SPTBN1: variants seen among roughly 807,000 people sequenced by gnomAD.
SPTBN1 encodes spectrin beta chain, non-erythrocytic 1.
In SPTBN1, 32 loss-of-function variants were observed where a neutral mutation model predicts 266.4. The ratio of observed to expected loss-of-function variants is 0.12; its 90% CI spans 0.09 to 0.16. The LOEUF (loss-of-function observed/expected upper bound fraction) is 0.16. Among genes scored for constraint, SPTBN1 ranks in the 10% least tolerant of loss-of-function variants. The pLI is 1.00. For missense variants in SPTBN1, 2,296 were observed against 3,067.1 expected (o/e 0.75, Z 5.94); for synonymous variants, 1,336 against 1,162.2 (o/e 1.15, Z -3.04).
rs1220614493 is a variant in SPTBN1 at position 54,671,005 on chromosome 2, AT to A, written c.*2439del. 2.6e-6 allele frequency: 1 copy of A among 392,042 alleles called. No homozygotes were observed. The highest frequency in any genetic ancestry group is 4.5e-6 in the Non-Finnish European group (1 of 223,468). The allele number at this position is 392,042 out of a possible 1,614,324, so 24.3% of individuals were successfully genotyped here. On this transcript the variant is annotated 3_prime_UTR_variant, in exon 36 of 36. Transcript: ENST00000356805. ...ATCATGTTTTTTGAGGATTTTGCATATTTCTTGTTGCCATAATGCTGTGCTA... is the reference window on the plus strand; with the variant it reads ...ATCATGTTTTTTGAGGATTTTGCATATTCTTGTTGCCATAATGCTGTGCTA...
chr2:54,594,188 C>T (rs1675890429), intron 2 of SPTBN1, among the ~76,000 whole-genome samples: 1 of 152,068 alleles, frequency 6.6e-6, no homozygotes, highest in Admixed American at 6.5e-5. Context: ...AGAACCAGGG[C>T]TCTGGAGCCA....
At chr2:54,589,892 G>C (rs541738177) in intron 2 of SPTBN1, among the ~76,000 whole-genome samples, 2 of 152,064 alleles carry the variant, frequency 1.3e-5, no homozygotes, top group African/African-American at 4.8e-5. Flanking sequence ...CTTTTGTTTT[G>C]AGTTAAGATC....
intron 1 of SPTBN1, among the ~76,000 whole-genome samples, chr2:54,501,241 CA>C (rs1669251713): frequency 6.6e-6 from 1 of 152,234 alleles, no homozygotes; most frequent in African/African-American, 2.4e-5. Context: ...CCTTATCCCA[CA>C]TGAGCTACCA....
rs111938617 is a variant in SPTBN1, at chr2:54,457,965, A to G, written c.-48+1447A>G. 8.0e-3 allele frequency among the ~76,000 whole-genome samples: 1,221 copies of G among 152,342 alleles called. 15 individuals carry two copies. The highest frequency in any genetic ancestry group is 0.028 in the African/African-American group (1,172 of 41,582). ...GATCTGCGACCAGGGGACCTGAGCC[A>G]TAGGGAGGGGCTGCAGGAAGGACTG... On this transcript the variant is annotated intron_variant, in intron 1 of 35. Coordinates refer to ENST00000356805, the MANE Select transcript of SPTBN1 (RefSeq NM_003128.3).
chr2:54,650,816 C>T (rs1174648795), intron 26 of SPTBN1, among the ~76,000 whole-genome samples: 1 of 152,208 alleles, frequency 6.6e-6, no homozygotes, highest in African/African-American at 2.4e-5. Context: ...AGCTGTGTTC[C>T]AATAAATCTT....
At chr2:54,566,118 C>A (rs1053955834) in intron 2 of SPTBN1, among the ~76,000 whole-genome samples, 10 of 151,970 alleles carry the variant, frequency 6.6e-5, no homozygotes, top group African/African-American at 2.2e-4. Flanking sequence ...ACTCTGAAAC[C>A]CAGCTATGAA....
intron 2 of SPTBN1, among the ~76,000 whole-genome samples, chr2:54,586,395 T>C (rs772285298): frequency 6.6e-6 from 1 of 152,268 alleles, no homozygotes; most frequent in Non-Finnish European, 1.5e-5. Flanking sequence ...TATGTTCATT[T>C]ATTTTTAAAT....
At chr2:54,518,330 G>A (rs1401175823) in intron 1 of SPTBN1, among the ~76,000 whole-genome samples, 4 of 152,000 alleles carry the variant, frequency 2.6e-5, no homozygotes, top group Admixed American at 6.6e-5. Flanking sequence ...GGGAGGGATA[G>A]CATTAGGAGA....
At chr2:54,652,051 A>G (rs1450579265) in intron 26 of SPTBN1, among the ~76,000 whole-genome samples, 3 of 151,672 alleles carry the variant, frequency 2.0e-5, no homozygotes, top group Non-Finnish European at 4.4e-5. Context: ...TTCTACTCTC[A>G]TAGACATCTA....
Position 54,653,750 on chromosome 2 carries a change from C to T in SPTBN1, c.5719C>T (p.Leu1907=). The part of the protein sequence containing the change: ...LDACESRRVR[L]VDTGDKFRFF... ...CGCCTGTGAGAGCCGCAGGGTGCGGCTGGTGGACACAGGGGACAAGTTCCG... is the reference window on the plus strand; with the variant it reads ...CGCCTGTGAGAGCCGCAGGGTGCGGTTGGTGGACACAGGGGACAAGTTCCG... Residue 1907 remains leucine, a synonymous_variant, in exon 27 of 36, where the codon CTG becomes TTG. Transcript: ENST00000356805. This position sits in a 1 kb window ranked among gnomAD's most constrained non-coding sequence, Gnocchi z 5.1. The T allele has an allele frequency of 1.2e-6, 2 of 1,614,216 alleles. No individual in the cohort carries two copies. Among genetic ancestry groups the T allele is most frequent in the Non-Finnish European group, 8.5e-7 (1 of 1,180,028 alleles).
intron 1 of SPTBN1, among the ~76,000 whole-genome samples, chr2:54,515,277 C>A (rs749937122): frequency 1.5e-4 from 23 of 152,044 alleles, no homozygotes; most frequent in Non-Finnish European, 3.2e-4. Flanking sequence ...AACTCCAGTC[C>A]CCAAATTCTT....
intron 10 of SPTBN1, among the ~76,000 whole-genome samples, chr2:54,624,568 G>A (rs1678204114): frequency 6.6e-6 from 1 of 152,106 alleles, no homozygotes; most frequent in African/African-American, 2.4e-5. Context: ...TGTTTTCCAA[G>A]TACAACACAG....
rs781232644 is a variant in SPTBN1 at position 54,667,677 on chromosome 2, A to T, written c.6876+31A>T. On this transcript the variant is annotated intron_variant, in intron 35 of 35. Transcript: ENST00000356805. ...TTTCTAAATGTTATTTCTCTCCACT[A>T]CTTAGGAGTTTGCAAGTGTTTGTGT... The T allele has an allele frequency of 5.0e-6, 8 of 1,601,346 alleles. No individual in the cohort carries two copies. In the African/African-American group the frequency reaches 8.0e-5, roughly 16 times the overall value.
Position 54,463,455 on chromosome 2 carries a change from T to C in SPTBN1, c.-48+6937T>C, listed in dbSNP as rs566054137. ...ATGGCTAGAGAGGCTGATGGGAGGC[T>C]TTGGATGGAGGGGCCCTGGGCCCCA... is the stretch of plus-strand genomic sequence containing the variant. On this transcript the variant is annotated intron_variant, in intron 1 of 35. Transcript: ENST00000356805. 1.3e-4 allele frequency among the ~76,000 whole-genome samples: 20 copies of C among 152,290 alleles called. No individual in the cohort carries two copies. In the East Asian group the frequency reaches 3.7e-3, roughly 28 times the overall value.
chr2:54,647,167 C>A lies in SPTBN1; in HGVS notation c.4903C>A (p.Gln1635Lys), dbSNP rs2104077585. ...TGCTGTCTCCATGTTGAAGAAGCAC[C>A]AGATCTTAGAACAAGCTGTGGAGGA... The part of the protein sequence containing the change: ...QSAVSMLKKH[Q>K]ILEQAVEDYA... The change falls in exon 24 of 36, where the codon CAG becomes AAG. Residue 1635 changes from glutamine to lysine, a missense_variant. This residue lies in a region of SPTBN1 where 644 missense variants were observed against 745.3 expected (regional missense o/e 0.86). Coordinates refer to ENST00000356805, the MANE Select transcript of SPTBN1 (RefSeq NM_003128.3). The A allele has an allele frequency of 1.2e-6, 2 of 1,614,140 alleles. No individual in the cohort carries two copies. The highest frequency in any genetic ancestry group is 1.7e-6 in the Non-Finnish European group (2 of 1,180,030).
At chr2:54,484,145 C>T (rs767777434) in intron 1 of SPTBN1, among the ~76,000 whole-genome samples, 55 of 152,154 alleles carry the variant, frequency 3.6e-4, no homozygotes, top group Non-Finnish European at 6.3e-4. Context: ...GTGATTGCAC[C>T]ACTGCACTCC....
intron 26 of SPTBN1, among the ~76,000 whole-genome samples, chr2:54,651,377 A>T (rs1010679743): frequency 1.8e-5 from 1 of 55,774 alleles, no homozygotes; most frequent in East Asian, 2.9e-4. Flanking sequence ...CTGGGCTATG[A>T]TGTTATAGCA....
In SPTBN1 at chr2:54,670,840, TGGGCAGCGAGAGGAG is replaced by T. The variant is rs922994588; in HGVS notation, c.*2272_*2286del. On this transcript the variant is annotated 3_prime_UTR_variant, in exon 36 of 36. Transcript: ENST00000356805. ...ACTGAGGCCTGAATGTGGAAGATGA[TGGGCAGCGAGAGGAG>T]CGTCAGAAGACCCCAGTCAAGACGT... The T allele has an allele frequency of 1.9e-4, 74 of 398,444 alleles. No homozygotes were observed. Among genetic ancestry groups the T allele is most frequent in the African/African-American group, 1.3e-3 (65 of 48,598 alleles). The allele number at this position is 398,444 out of a possible 1,614,324, so 24.7% of individuals were successfully genotyped here. A position where few individuals can be genotyped will look rare whatever the true frequency, so the allele number is the denominator to read the frequency against.
intron 2 of SPTBN1, among the ~76,000 whole-genome samples, chr2:54,597,502 C>T (rs1489393172): frequency 6.6e-6 from 1 of 152,204 alleles, no homozygotes; most frequent in Non-Finnish European, 1.5e-5. Flanking sequence ...AAGGGCCCTC[C>T]TTCTGTCTGG....
Sources: gnomAD v4.1 joint callset for allele counts (sites outside exome capture counted in the v4.1 genomes callset) on GRCh38, gnomAD v4.1.1 for gene constraint, gnomAD v4.1.1 regional missense constraint, Gnocchi (gnomAD v3.1) non-coding constraint, MANE v1.5 for transcripts, NCBI Gene and HGNC (gene_info 2026-07-23, HGNC 2026-07-21) for gene names.